The following KCNMA1 variants were observed in gnomAD, a reference collection of about 807,000 sequenced individuals.
KCNMA1 encodes the protein potassium calcium-activated channel subfamily M alpha 1.
A neutral mutation model predicts 140.0 loss-of-function variants in KCNMA1; 29 were observed. The observed-to-expected ratio is 0.21, with a 90% CI of 0.15 to 0.28. The LOEUF (loss-of-function observed/expected upper bound fraction) is 0.28, where lower values mean the gene tolerates loss of function less well. Ranked by LOEUF, KCNMA1 falls within the 10% of genes least tolerant of loss-of-function variation. KCNMA1 has a pLI of 1.00. For synonymous variants in KCNMA1, 612 were observed against 611.9 expected, an observed-to-expected ratio of 1.00 and a Z score of 0.00; for missense variants, 880 against 1,602.2, an observed-to-expected ratio of 0.55 and a Z score of 7.70.
At chr10:77,402,564 C>G (rs2096306667) in intron 2 of KCNMA1, among the ~76,000 whole-genome samples, 1 of 152,168 alleles carries the variant, frequency 6.6e-6, no homozygotes, top group South Asian at 2.1e-4. Flanking sequence ...GTGGCCAGCA[C>G]CTTTGATTAC....
At chr10:77,425,744 G>T (rs1177780011) in intron 1 of KCNMA1, among the ~76,000 whole-genome samples, 1 of 152,140 alleles carries the variant, frequency 6.6e-6, no homozygotes, top group Non-Finnish European at 1.5e-5. Context: ...ATTTTTTCAG[G>T]ACCTGTCTCC....
intron 24 of KCNMA1, 50 bp downstream of exon 24, chr10:76,914,886 G>T: frequency 7.6e-7 from 1 of 1,314,844 alleles, no homozygotes; most frequent in Non-Finnish European, 1.1e-6. Flanking sequence ...ATCCTGTATG[G>T]TTTGAAAGAC....
At chr10:77,012,576 G>A (rs1425804526) in intron 17 of KCNMA1, 16 of 1,544,222 alleles carry the variant, frequency 1.0e-5, no homozygotes, top group East Asian at 7.3e-5. Flanking sequence ...AGGGAAAAAC[G>A]AAAGCCACGA....
At chr10:77,553,803 T>G (rs1308169607) in intron 1 of KCNMA1, among the ~76,000 whole-genome samples, 2 of 152,082 alleles carry the variant, frequency 1.3e-5, no homozygotes, top group Non-Finnish European at 2.9e-5. Context: ...CCCACCCAAG[T>G]GTCATCTTGC....
intron 25 of KCNMA1, among the ~76,000 whole-genome samples, chr10:76,905,862 G>A (rs555981138): frequency 3.3e-5 from 5 of 152,202 alleles, no homozygotes; most frequent in South Asian, 2.1e-4. Context: ...AACTGAATCC[G>A]CAGCATGGGG....
At position 77,632,649 on chromosome 10, in the gene KCNMA1, A is replaced by G. The variant is rs568808342; in HGVS notation, c.378+4616T>C. ...CTGACTCTAAATGGTTTTTTGATCT[A>G]TGACAGTATACTTCAGGATCTAAAG... On this transcript the variant is annotated intron_variant, in intron 1 of 27. Coordinates refer to ENST00000286628, the MANE Select transcript of KCNMA1 (RefSeq NM_001161352.2). 2.0e-5 allele frequency among the ~76,000 whole-genome samples: 3 copies of G among 152,348 alleles called. No individual in the cohort carries two copies. In the South Asian group the frequency reaches 6.2e-4, roughly 32 times the overall value.
chr10:77,369,434 C>T (rs773268295), intron 2 of KCNMA1, among the ~76,000 whole-genome samples: 21 of 152,276 alleles, frequency 1.4e-4, no homozygotes, highest in Non-Finnish European at 2.2e-4. Context: ...CATGTGTGAA[C>T]CTCTACTCTA....
At chr10:77,196,776 T>C (rs867085558) in intron 3 of KCNMA1, among the ~76,000 whole-genome samples, 2 of 152,352 alleles carry the variant, frequency 1.3e-5, no homozygotes, top group South Asian at 4.1e-4. Flanking sequence ...GTCTAGGAAC[T>C]GTTATTCCTA....
At chr10:77,473,829 T>A (rs1041599056) in intron 1 of KCNMA1, among the ~76,000 whole-genome samples, 1 of 152,142 alleles carries the variant, frequency 6.6e-6, no homozygotes. Context: ...CCAAATTAGA[T>A]CCTTAATAAC....
chr10:77,456,506 G>A (rs2097764642), intron 1 of KCNMA1, among the ~76,000 whole-genome samples: 1 of 152,188 alleles, frequency 6.6e-6, no homozygotes, highest in Non-Finnish European at 1.5e-5. Context: ...CTACCTCCGT[G>A]ACAGCAGGGA....
intron 2 of KCNMA1, among the ~76,000 whole-genome samples, chr10:77,368,886 G>T (rs2094518739): frequency 6.6e-6 from 1 of 152,146 alleles, no homozygotes. Flanking sequence ...CTACTCCATT[G>T]ATCTATGTGT....
At chr10:77,167,572 A>G (rs2154092147) in intron 5 of KCNMA1, among the ~76,000 whole-genome samples, 1 of 152,326 alleles carries the variant, frequency 6.6e-6, no homozygotes, top group East Asian at 1.9e-4. Flanking sequence ...AGATGATGAT[A>G]ATAATGAAAC....
intron 1 of KCNMA1, among the ~76,000 whole-genome samples, chr10:77,560,541 T>C (rs755422300): frequency 3.3e-5 from 5 of 152,210 alleles, no homozygotes; most frequent in African/African-American, 1.2e-4. Flanking sequence ...TCTCAGTCCA[T>C]GCAGCCTGCG....
At chr10:77,454,160 T>C (rs4980148) in intron 1 of KCNMA1, among the ~76,000 whole-genome samples, 2 of 152,008 alleles carry the variant, frequency 1.3e-5, no homozygotes, top group Admixed American at 1.3e-4. Context: ...AATCAAAAAC[T>C]ACCAGGCATT....
At chr10:77,329,185 A>G (rs1431155561) in intron 2 of KCNMA1, among the ~76,000 whole-genome samples, 1 of 152,100 alleles carries the variant, frequency 6.6e-6, no homozygotes, top group Non-Finnish European at 1.5e-5. Context: ...CACCTCTTAT[A>G]CCCTGACTCT....
chr10:77,144,833 G>A (rs151221268), intron 5 of KCNMA1, among the ~76,000 whole-genome samples: 190 of 152,246 alleles, frequency 1.2e-3, no homozygotes, highest in African/African-American at 4.1e-3. Context: ...TTGTATTCAG[G>A]CTCTGCCACC....
chr10:77,397,417 A>G (rs1343798287), intron 2 of KCNMA1, among the ~76,000 whole-genome samples: 1 of 152,208 alleles, frequency 6.6e-6, no homozygotes, highest in African/African-American at 2.4e-5. Flanking sequence ...ATTTTGGTAC[A>G]TGTATAATGA....
intron 2 of KCNMA1, among the ~76,000 whole-genome samples, chr10:77,260,069 T>TAA (rs2061630547): frequency 6.6e-6 from 1 of 152,092 alleles, no homozygotes. Context: ...TAACCCGGAA[T>TAA]AAAGGTGAGA....
chr10:77,193,145 A>G (rs1332943043), intron 3 of KCNMA1, among the ~76,000 whole-genome samples: 1 of 152,066 alleles, frequency 6.6e-6, no homozygotes, highest in Non-Finnish European at 1.5e-5. Flanking sequence ...TGTCTTGTAA[A>G]TATCTCTTGT....
Sources: allele counts gnomAD v4.1 joint callset (sites outside exome capture counted in the v4.1 genomes callset), GRCh38; gene constraint gnomAD v4.1.1; transcripts MANE v1.5; gene names NCBI Gene and HGNC (gene_info 2026-07-23, HGNC 2026-07-21).